SHTN1: variants seen among roughly 807,000 people sequenced by gnomAD.
The protein encoded by SHTN1 is shootin 1, also known as shootin-1.
In SHTN1, 42 loss-of-function variants were observed where a neutral mutation model predicts 83.1. The ratio of observed to expected loss-of-function variants is 0.51; its 90% CI spans 0.39 to 0.65. The LOEUF (loss-of-function observed/expected upper bound fraction) is 0.65. SHTN1 is among the 30% of genes least tolerant of loss of function. SHTN1 has a pLI of 0.00. For missense variants in SHTN1, 622 were observed against 737.8 expected, an observed-to-expected ratio of 0.84 and a Z score of 1.82; for synonymous variants, 224 against 247.7, an observed-to-expected ratio of 0.90 and a Z score of 0.90.
In SHTN1 at chr10:116,965,841, C is replaced by T. The variant is rs146866826; in HGVS notation, c.172+2811G>A. Among the ~76,000 whole-genome samples, 251 of 152,226 alleles carry T rather than the reference C, an allele frequency of 1.6e-3. 3 individuals carry two copies. In the South Asian group the frequency reaches 0.022, roughly 13 times the overall value. ...AGGTCATTTATACCAATTTTATTAA[C>T]GCAGAAATGGATTCACACAAACTAA... On this transcript the variant is annotated intron_variant, in intron 3 of 16. Coordinates refer to ENST00000355371, the MANE Select transcript of SHTN1 (RefSeq NM_001127211.3).
At chr10:117,009,293 A>G (rs1297507060), upstream of SHTN1, among the ~76,000 whole-genome samples, 1 of 152,170 alleles carries the variant, frequency 6.6e-6, no homozygotes, top group Non-Finnish European at 1.5e-5. Context: ...ACATAGCAAA[A>G]TTGCAGAAAT....
chr10:117,021,106 C>T (rs1361200393), intron 2 of SHTN1, among the ~76,000 whole-genome samples: 1 of 152,232 alleles, frequency 6.6e-6, no homozygotes, highest in Non-Finnish European at 1.5e-5. Context: ...GGCGCGGTGG[C>T]TCACGCCTGT....
intron 10 of SHTN1, among the ~76,000 whole-genome samples, chr10:116,929,185 T>C (rs148577899): frequency 1.8e-3 from 271 of 152,302 alleles, no homozygotes; most frequent in Admixed American, 1.9e-3. Context: ...GAAGCTATTA[T>C]AAAGGGAATG....
upstream of SHTN1, among the ~76,000 whole-genome samples, chr10:117,010,416 A>AAAAAG (rs555154349): frequency 1.2e-3 from 180 of 152,278 alleles, 4 homozygotes; most frequent in Admixed American, 8.6e-3. Flanking sequence ...AAAGTATTAA[A>AAAAAG]AAAAGAAAAG....
At chr10:116,891,978 T>C (rs185068646) in intron 16 of SHTN1, among the ~76,000 whole-genome samples, 134 of 152,360 alleles carry the variant, frequency 8.8e-4, no homozygotes, top group African/African-American at 3.1e-3. Context: ...ATTATTTACA[T>C]TGTTAAACAA....
intron 1 of SHTN1, among the ~76,000 whole-genome samples, chr10:117,102,227 A>G (rs1853604488): frequency 6.6e-6 from 1 of 152,202 alleles, no homozygotes; most frequent in Admixed American, 6.5e-5. Flanking sequence ...CGAAGGACTC[A>G]GTAATTTTTA....
At chr10:116,970,448 G>A (rs1287562856) in intron 2 of SHTN1, among the ~76,000 whole-genome samples, 4 of 152,180 alleles carry the variant, frequency 2.6e-5, no homozygotes, top group Non-Finnish European at 5.9e-5. Flanking sequence ...GGGCACGGTG[G>A]CTCAAGTCGG....
intron 1 of SHTN1, among the ~76,000 whole-genome samples, chr10:117,092,629 G>A (rs745391446): frequency 2.2e-4 from 34 of 152,304 alleles, no homozygotes; most frequent in African/African-American, 5.8e-4. Flanking sequence ...AGGCAACGGC[G>A]CCCAGCTGGT....
chr10:116,976,454 T>C (rs1358550184), intron 2 of SHTN1, among the ~76,000 whole-genome samples: 1 of 152,202 alleles, frequency 6.6e-6, no homozygotes, highest in Non-Finnish European at 1.5e-5. Context: ...CTCTGTTCAC[T>C]CTAAATTTCC....
chr10:116,921,889 AGT>A (rs1441157254), intron 11 of SHTN1, among the ~76,000 whole-genome samples: 1 of 152,188 alleles, frequency 6.6e-6, no homozygotes, highest in African/African-American at 2.4e-5. Flanking sequence ...CACAGTAAAA[AGT>A]GTATGTTATC....
intron 2 of SHTN1, among the ~76,000 whole-genome samples, chr10:116,978,540 C>T (rs553799866): frequency 2.0e-5 from 3 of 151,636 alleles, no homozygotes; most frequent in Admixed American, 6.6e-5. Flanking sequence ...AGTCCCTCTA[C>T]GTTTCTGACC....
At chr10:117,037,998 CAA>C (rs71013632) in intron 2 of SHTN1, among the ~76,000 whole-genome samples, 2,424 of 75,286 alleles carry the variant, frequency 0.032, 37 homozygotes, top group African/African-American at 0.12. Context: ...AGCGAGACTT[CAA>C]AAAAAAAAAA....
intron 2 of SHTN1, among the ~76,000 whole-genome samples, chr10:117,037,321 T>C (rs1852512756): frequency 6.6e-6 from 1 of 152,016 alleles, no homozygotes; most frequent in South Asian, 2.1e-4. Flanking sequence ...TAGCACTCAA[T>C]AAAATACTTA....
rs146786373 is a variant in SHTN1, at chr10:117,014,992, G to A, written c.-123+33453C>T. Among the ~76,000 whole-genome samples the A allele has an allele frequency of 3.5e-4, 53 of 152,318 alleles. 1 individual carries two copies. The East Asian group carries it at 7.7e-3, about 22-fold the overall frequency. ...GAAATCCAATGGGAAAGTTGTAACA[G>A]CACATGTGGATGGGTGTGGCTCATT... On this transcript the variant is annotated intron_variant, in intron 2 of 17. Coordinates refer to the SHTN1 transcript ENST00000392901.
chr10:116,949,052 T>C, intron 6 of SHTN1, 55 bp from the exon 7 acceptor site: 1 of 1,444,290 alleles, frequency 6.9e-7, no homozygotes. Context: ...AAACAGGACA[T>C]ATGGCAATGT....
chr10:116,966,062 A>G (rs889312580), intron 3 of SHTN1, among the ~76,000 whole-genome samples: 6 of 152,034 alleles, frequency 3.9e-5, no homozygotes, highest in Non-Finnish European at 8.8e-5. Context: ...TCTGGAGTGC[A>G]GTGGCAAGAT....
At chr10:116,900,565 A>T in intron 16 of SHTN1, 4 of 1,534,742 alleles carry the variant, frequency 2.6e-6, no homozygotes, top group Non-Finnish European at 3.5e-6. Flanking sequence ...AAAGGAGAAA[A>T]ATCTATACAC....
intron 15 of SHTN1, among the ~76,000 whole-genome samples, chr10:116,905,317 T>C (rs948740125): frequency 1.3e-5 from 2 of 151,992 alleles, no homozygotes; most frequent in Non-Finnish European, 2.9e-5. Flanking sequence ...ATAACGATTA[T>C]ATGTTACGGG....
chr10:116,926,404 C>T (rs1267062979), intron 11 of SHTN1, among the ~76,000 whole-genome samples: 1 of 152,174 alleles, frequency 6.6e-6, no homozygotes, highest in Admixed American at 6.5e-5. Flanking sequence ...ATATCTCCTA[C>T]AGATTTAGCT....
Sources: allele counts gnomAD v4.1 joint callset (sites outside exome capture counted in the v4.1 genomes callset), GRCh38; gene constraint gnomAD v4.1.1; transcripts MANE v1.5; gene names NCBI Gene and HGNC (gene_info 2026-07-23, HGNC 2026-07-21).